The following CCBE1 variants were observed in gnomAD, a reference collection of about 807,000 sequenced individuals.
The protein encoded by CCBE1 is collagen and calcium-binding EGF domain-containing protein 1.
Under a neutral mutation model 50.0 loss-of-function variants are expected in CCBE1, and 37 were observed. The observed-to-expected ratio is 0.74, with a 90% CI of 0.57 to 0.97. The LOEUF (loss-of-function observed/expected upper bound fraction) is 0.97, where lower values mean the gene tolerates loss of function less well. Ranked by LOEUF, CCBE1 falls within the 50% of genes least tolerant of loss-of-function variation. CCBE1 has a pLI of 0.00. For missense variants in CCBE1, 538 were observed against 523.8 expected (o/e 1.03, Z -0.26); for synonymous variants, 234 against 203.7 (o/e 1.15, Z -1.27).
At chr18:59,508,092 C>G (rs1039346796) in intron 2 of CCBE1, among the ~76,000 whole-genome samples, 1 of 151,726 alleles carries the variant, frequency 6.6e-6, no homozygotes, top group East Asian at 2.0e-4. Flanking sequence ...GGGGTTTCAC[C>G]GTGTCGGCCA....
At chr18:59,639,614 A>G (rs999613769) in intron 2 of CCBE1, among the ~76,000 whole-genome samples, 1 of 152,166 alleles carries the variant, frequency 6.6e-6, no homozygotes, top group South Asian at 2.1e-4. Flanking sequence ...CACCACTCCT[A>G]TTCAACTTAG....
intron 2 of CCBE1, among the ~76,000 whole-genome samples, chr18:59,542,281 A>C (rs936819684): frequency 6.6e-6 from 1 of 151,838 alleles, no homozygotes; most frequent in Non-Finnish European, 1.5e-5. Context: ...TAGAAATCTT[A>C]ATAAATTCTT....
At chr18:59,677,552 T>C (rs1471275224) in intron 2 of CCBE1, among the ~76,000 whole-genome samples, 1 of 151,766 alleles carries the variant, frequency 6.6e-6, no homozygotes, top group South Asian at 2.1e-4. Flanking sequence ...GCCACCAAAA[T>C]AAAGGAATAA....
intron 2 of CCBE1, among the ~76,000 whole-genome samples, chr18:59,557,751 G>A (rs2052674913): frequency 6.6e-6 from 1 of 152,154 alleles, no homozygotes; most frequent in African/African-American, 2.4e-5. Flanking sequence ...ACTTGCTTGA[G>A]CCTGCTCCCA....
chr18:59,635,326 C>T (rs557794830), intron 2 of CCBE1, among the ~76,000 whole-genome samples: 5 of 151,466 alleles, frequency 3.3e-5, no homozygotes, highest in Admixed American at 3.3e-4. Context: ...AAGTAAAGTA[C>T]AAACAGTATG....
chr18:59,648,632 G>A (rs1047390330), intron 2 of CCBE1, among the ~76,000 whole-genome samples: 1 of 152,188 alleles, frequency 6.6e-6, no homozygotes, highest in African/African-American at 2.4e-5. Context: ...AACCCAGGAG[G>A]CGGAGGTTGC....
In CCBE1 at chr18:59,454,904, T is replaced by C. The variant is rs779782114; in HGVS notation, c.601A>G (p.Thr201Ala). The C allele has an allele frequency of 1.1e-5, 17 of 1,614,086 alleles. No individual in the cohort carries two copies. The highest frequency in any genetic ancestry group is 1.0e-4 in the Admixed American group (6 of 60,006). Residue 201 changes from threonine (T) to alanine (A), a missense_variant, in exon 6 of 11, where the codon ACA becomes GCA. Physicochemically the swap from Thr to Ala is moderately conservative, Grantham distance 58. Transcript: ENST00000439986. The part of the protein sequence containing the change: ...NMVKAGTCCA[T>A]CKEFYQMKQT... Reference sequence around the variant, plus strand: ...TTCATCTGGTAGAACTCCTTGCATGTGGCACAGCAAGTTCCGGCTTTCACC... The same window carrying C: ...TTCATCTGGTAGAACTCCTTGCATGCGGCACAGCAAGTTCCGGCTTTCACC...
Position 59,607,068 on chromosome 18 carries a change from A to G in CCBE1, c.212+89561T>C, listed in dbSNP as rs111882641. On this transcript the variant is annotated intron_variant, in intron 2 of 10. Transcript: ENST00000439986. The stretch of plus-strand genomic sequence containing the variant: ...GTGTGTTGAATTGGGAAAAAAAAAA[A>G]AAAAAAAAGCACACAAGTACTCACT... Among the ~76,000 whole-genome samples, 103 of 152,152 alleles carry G rather than the reference A, an allele frequency of 6.8e-4. 1 individual carries two copies. Among genetic ancestry groups the G allele is most frequent in the African/African-American group, 2.2e-3 (93 of 41,520 alleles).
chr18:59,478,310 A>G (rs903694056), intron 3 of CCBE1, among the ~76,000 whole-genome samples: 4 of 152,156 alleles, frequency 2.6e-5, no homozygotes, highest in African/African-American at 9.7e-5. Context: ...AATTGGTTCT[A>G]TTTCTCTGGA....
chr18:59,508,740 G>C (rs915529913), intron 2 of CCBE1, among the ~76,000 whole-genome samples: 7 of 89,048 alleles, frequency 7.9e-5, no homozygotes, highest in African/African-American at 3.7e-4. Flanking sequence ...TTTTGAGGCA[G>C]GGTCTTACTC....
chr18:59,581,013 A>T (rs538558828), intron 2 of CCBE1, among the ~76,000 whole-genome samples: 2 of 152,350 alleles, frequency 1.3e-5, no homozygotes, highest in Admixed American at 1.3e-4. Context: ...TAACTTGAGC[A>T]TCAGTCGCCA....
chr18:59,557,079 C>T (rs72964857), intron 2 of CCBE1, among the ~76,000 whole-genome samples: 15,892 of 152,140 alleles, frequency 0.1, 934 homozygotes, highest in African/African-American at 0.16. Context: ...AGCAGCTGGG[C>T]CCCAATCCCT....
chr18:59,511,161 T>C (rs920217624), intron 2 of CCBE1, among the ~76,000 whole-genome samples: 22 of 152,232 alleles, frequency 1.4e-4, no homozygotes, highest in African/African-American at 5.3e-4. Flanking sequence ...TTGCTGTTTG[T>C]GCACTTGCAA....
At chr18:59,609,979 A>T (rs570217521) in intron 2 of CCBE1, among the ~76,000 whole-genome samples, 1 of 152,360 alleles carries the variant, frequency 6.6e-6, no homozygotes, top group South Asian at 2.1e-4. Flanking sequence ...AGTGTCAGTT[A>T]ATGAGAACTG....
intron 2 of CCBE1, among the ~76,000 whole-genome samples, chr18:59,592,921 A>G (rs2053294294): frequency 6.6e-6 from 1 of 152,226 alleles, no homozygotes; most frequent in Non-Finnish European, 1.5e-5. Context: ...AATAAAAAAA[A>G]AGGAAGGAAA....
chr18:59,529,404 A>G (rs558747966), intron 2 of CCBE1, among the ~76,000 whole-genome samples: 1 of 152,232 alleles, frequency 6.6e-6, no homozygotes, highest in Non-Finnish European at 1.5e-5. Context: ...CTCCCCGGGA[A>G]CTTGTAGTCT....
chr18:59,599,081 TTTC>T lies in CCBE1; in HGVS notation c.212+97545_212+97547del, dbSNP rs145667172. ...TCCCTTCTTCGTTAATCAACCCACC[TTTC>T]TTCTTCTACTACTACTTTTTTTCTA... On this transcript the variant is annotated intron_variant, in intron 2 of 10. Coordinates refer to ENST00000439986, the MANE Select transcript of CCBE1 (RefSeq NM_133459.4). Among the ~76,000 whole-genome samples, 1,336 of 152,290 alleles carry T rather than the reference TTTC, an allele frequency of 8.8e-3. 9 individuals are homozygous for T. Among genetic ancestry groups the T allele is most frequent in the Non-Finnish European group, 0.015 (1,023 of 68,016 alleles).
intron 2 of CCBE1, among the ~76,000 whole-genome samples, chr18:59,563,117 G>A (rs978706043): frequency 2.6e-5 from 4 of 152,220 alleles, no homozygotes; most frequent in Non-Finnish European, 4.4e-5. Context: ...CACCAGGTGG[G>A]TGAGCTGCCC....
chr18:59,478,651 ACT>A (rs748757323), intron 3 of CCBE1, among the ~76,000 whole-genome samples: 2 of 152,090 alleles, frequency 1.3e-5, no homozygotes, highest in Non-Finnish European at 2.9e-5. Flanking sequence ...ATTGAAAGAA[ACT>A]CTAAGTATGT....
Sources: gnomAD v4.1 joint callset for allele counts (sites outside exome capture counted in the v4.1 genomes callset) on GRCh38, gnomAD v4.1.1 for gene constraint, MANE v1.5 for transcripts, NCBI Gene and HGNC (gene_info 2026-07-23, HGNC 2026-07-21) for gene names.